The following MYCBP2 variants were observed in gnomAD, a reference collection of about 807,000 sequenced individuals.
MYCBP2 encodes the protein E3 ubiquitin-protein ligase MYCBP2.
A neutral mutation model predicts 525.3 loss-of-function variants in MYCBP2; 120 were observed. The ratio of observed to expected loss-of-function variants is 0.23; its 90% CI spans 0.20 to 0.27. The LOEUF is 0.27. Ranked by LOEUF, MYCBP2 falls within the 10% of genes least tolerant of loss-of-function variation. MYCBP2 has a pLI of 1.00. For synonymous variants in MYCBP2, 1,894 were observed against 1,955.8 expected (o/e 0.97, Z 0.83); for missense variants, 4,149 against 5,657.1 (o/e 0.73, Z 8.55).
Position 77,045,165 on chromosome 13 carries a change from T to C in MYCBP2, c.*213A>G. 2.1e-6 allele frequency: 1 copy of C among 472,088 alleles called. No homozygotes were observed. The highest frequency in any genetic ancestry group is 3.7e-6 in the Non-Finnish European group (1 of 267,956). 29.2% of individuals were successfully genotyped at this position (472,088 alleles called of 1,614,324 possible). A position where few individuals can be genotyped will look rare whatever the true frequency, so the allele number is the denominator to read the frequency against. ...AAACACCTCACAAGTTTGATGTCAT[T>C]TGTTCAAAAGAAGATAAACCAAAAT... On this transcript the variant is annotated 3_prime_UTR_variant, in exon 83 of 83. Coordinates refer to ENST00000544440, the MANE Select transcript of MYCBP2 (RefSeq NM_015057.5).
chr13:77,191,656 G>T, intron 28 of MYCBP2, 23 bp downstream of exon 28: 1 of 1,607,282 alleles, frequency 6.2e-7, no homozygotes, highest in Non-Finnish European at 8.5e-7. Context: ...TATTGCTTAA[G>T]TAACACTTGG....
At position 77,273,613 on chromosome 13, in the gene MYCBP2, G is replaced by A. The variant is rs1555452691; in HGVS notation, c.804C>T (p.Asp268=). The change falls in exon 5 of 83, where the codon GAC becomes GAT. Residue 268 remains aspartate (D), a synonymous_variant. Coordinates refer to ENST00000544440, the MANE Select transcript of MYCBP2 (RefSeq NM_015057.5). ...EITVRSTGMN[D]STGQSLTALS... ...GTGCTGTTAAGGACTGTCCTGTGCT[G>A]TCATTCATCCCAGTACTTCGAACGG... is the stretch of plus-strand genomic sequence containing the variant. The A allele has an allele frequency of 6.3e-7, 1 of 1,593,500 alleles. No homozygotes were observed. Among genetic ancestry groups the A allele is most frequent in the Non-Finnish European group, 8.5e-7 (1 of 1,173,456 alleles).
At chr13:77,127,193 C>T (rs999590586) in intron 52 of MYCBP2, among the ~76,000 whole-genome samples, 2 of 151,898 alleles carry the variant, frequency 1.3e-5, no homozygotes, top group Non-Finnish European at 2.9e-5. Context: ...CATTACTATG[C>T]AGTGATACAT....
chr13:77,108,790 G>C (rs1290374795), intron 55 of MYCBP2, among the ~76,000 whole-genome samples: 1 of 150,848 alleles, frequency 6.6e-6, no homozygotes, highest in Non-Finnish European at 1.5e-5. Flanking sequence ...TGCAAGCTCT[G>C]CCTCCCAGGT....
chr13:77,233,427 A>G (rs559030843), intron 17 of MYCBP2, among the ~76,000 whole-genome samples, 164 bp from the exon 18 acceptor site: 123 of 21,884 alleles, frequency 5.6e-3, no homozygotes, highest in African/African-American at 0.018. Context: ...ACCCCCACCC[A>G]TAACCTAATC....
Position 77,181,786 on chromosome 13 carries a change from A to G in MYCBP2, c.4856T>C (p.Ile1619Thr), listed in dbSNP as rs1232381741. The G allele has an allele frequency of 6.2e-7, 1 of 1,614,166 alleles. No individual in the cohort carries two copies. Among genetic ancestry groups the G allele is most frequent in the Non-Finnish European group, 8.5e-7 (1 of 1,180,006 alleles). ...AYDGEVLLRS[I>T]VKQVSTENDS... is the part of the protein sequence containing the mutation. ...GTTCTCTGTACTAACTTGTTTAACA[A>G]TTGATCGTAGTAATACTTCTCCATC... The change falls in exon 33 of 83, where the codon ATT (isoleucine) becomes ACT (threonine). Residue 1619 changes from isoleucine to threonine, a missense_variant. Transcript: ENST00000544440.
At chr13:77,166,191 G>A (rs183088018) in intron 41 of MYCBP2, 138 bp downstream of exon 41, 40 of 639,218 alleles carry the variant, frequency 6.3e-5, no homozygotes, top group African/African-American at 5.1e-4. Flanking sequence ...TTTATTCCTC[G>A]AATGCAATCC....
intron 55 of MYCBP2, chr13:77,118,227 T>C (rs1238968711): frequency 1.5e-5 from 9 of 596,348 alleles, no homozygotes; most frequent in Non-Finnish European, 2.1e-5. Context: ...GGGGATAACA[T>C]CCTAATTAAA....
chr13:77,318,512 T>C (rs1405268440), intron 1 of MYCBP2, among the ~76,000 whole-genome samples: 1 of 152,182 alleles, frequency 6.6e-6, no homozygotes, highest in African/African-American at 2.4e-5. Context: ...TCCCAGCACT[T>C]TGGGAGAACG....
In MYCBP2 at chr13:77,096,495, CA is replaced by C. The variant is rs1423092255; in HGVS notation, c.9785-15del. On this transcript the variant is annotated splice_polypyrimidine_tract_variant and intron_variant, in intron 56 of 82. Coordinates refer to ENST00000544440, the MANE Select transcript of MYCBP2 (RefSeq NM_015057.5). ...ATCGGCCACAACCTTGAAACAATACCAAAAATAAATATTTAACACTCCAAGT... is the reference window on the plus strand; with the variant it reads ...ATCGGCCACAACCTTGAAACAATACCAAAATAAATATTTAACACTCCAAGT... 6.2e-7 allele frequency: 1 copy of C among 1,611,878 alleles called. No homozygotes were observed. Among genetic ancestry groups the C allele is most frequent in the Admixed American group, 1.7e-5 (1 of 59,842 alleles).
At chr13:77,211,864 C>A in intron 22 of MYCBP2, 92 bp downstream of exon 22, 2 of 1,057,076 alleles carry the variant, frequency 1.9e-6, no homozygotes, top group South Asian at 3.2e-5. Context: ...CAAAAAGCTA[C>A]AAAAGTACAT....
chr13:77,233,203 A>C lies in MYCBP2; in HGVS notation c.2690T>G (p.Leu897Arg). The change falls in exon 18 of 83, where the codon CTC (leucine) becomes CGC (arginine). Residue 897 changes from leucine (L) to arginine (R), a missense_variant. Leu to Arg is a moderately radical substitution (Grantham distance 102). Around this residue, in one of 21 missense-constraint regions of MYCBP2, gnomAD observed 620 missense variants for 795.5 expected, o/e 0.78. Coordinates refer to ENST00000544440, the MANE Select transcript of MYCBP2 (RefSeq NM_015057.5). ...CTTTAGCTGTGCTGGATGGGATCTG[A>C]GTCTGGCTAGAGCCTGTTCTCGATG... Reference protein sequence around the residue: ...MNHREQALARLRSHPAQLKHK... With the variant: ...MNHREQALARRRSHPAQLKHK... 6.2e-7 allele frequency: 1 copy of C among 1,613,870 alleles called. No homozygotes were observed. The highest frequency in any genetic ancestry group is 8.5e-7 in the Non-Finnish European group (1 of 1,179,838).
At chr13:77,169,834 T>C in intron 38 of MYCBP2, 120 bp from the exon 39 acceptor site, 1 of 806,064 alleles carries the variant, frequency 1.2e-6, no homozygotes, top group East Asian at 2.7e-5. Context: ...TGACACCAAT[T>C]GGGTGCTTGT....
chr13:77,275,025 A>G (rs1422077739), intron 4 of MYCBP2, among the ~76,000 whole-genome samples: 2 of 152,000 alleles, frequency 1.3e-5, no homozygotes, highest in Non-Finnish European at 2.9e-5. Flanking sequence ...TCCTTCCTCC[A>G]ATTATTATCC....
Position 77,058,424 on chromosome 13 carries a change from C to T in MYCBP2, c.13141-18G>A. ...GCGTATTCCTGTTAAAGATGAATTA[C>T]AATGTTACACAAGTATGTAAAAAAG... On this transcript the variant is annotated intron_variant, in intron 77 of 82. Transcript: ENST00000544440. This position sits in a 1 kb window ranked among gnomAD's most constrained non-coding sequence, Gnocchi z 4.1. 1 of 1,554,862 alleles carries T rather than the reference C, an allele frequency of 6.4e-7. No homozygotes were observed. Among genetic ancestry groups the T allele is most frequent in the Non-Finnish European group, 8.7e-7 (1 of 1,147,766 alleles).
chr13:77,086,481 T>C (rs1267128570), intron 62 of MYCBP2, among the ~76,000 whole-genome samples: 2 of 152,144 alleles, frequency 1.3e-5, no homozygotes, highest in Admixed American at 6.6e-5. Flanking sequence ...CAATGGGTTG[T>C]TATCTGTAAT....
intron 66 of MYCBP2, 97 bp downstream of exon 66, chr13:77,078,727 T>C (rs1290704689): frequency 6.5e-6 from 6 of 928,630 alleles, no homozygotes; most frequent in Non-Finnish European, 1.1e-5. Context: ...CCTATAATAC[T>C]TTGGTTGTGT....
At chr13:77,251,094 A>C (rs933075975) in intron 15 of MYCBP2, 57 bp downstream of exon 15, 1 of 1,543,300 alleles carries the variant, frequency 6.5e-7, no homozygotes, top group African/African-American at 1.4e-5. Context: ...CTCCGGAATG[A>C]TTTTGCAAAG....
intron 2 of MYCBP2, among the ~76,000 whole-genome samples, chr13:77,293,158 G>A (rs1286894666): frequency 2.6e-5 from 4 of 152,088 alleles, no homozygotes; most frequent in Non-Finnish European, 4.4e-5. Context: ...AGGAAGTTGA[G>A]GAACTTTTCT....
Sources: gnomAD v4.1 joint callset for allele counts (sites outside exome capture counted in the v4.1 genomes callset) on GRCh38, gnomAD v4.1.1 for gene constraint, gnomAD v4.1.1 regional missense constraint, Gnocchi (gnomAD v3.1) non-coding constraint, MANE v1.5 for transcripts, NCBI Gene and HGNC (gene_info 2026-07-23, HGNC 2026-07-21) for gene names.